The following MPRIP variants were observed in gnomAD, a reference collection of about 807,000 sequenced individuals.
The protein encoded by MPRIP is myosin phosphatase Rho interacting protein.
MPRIP carries 59 observed loss-of-function variants against 234.9 expected under a neutral mutation model. The observed-to-expected ratio is 0.25, with a 90% CI of 0.20 to 0.31. MPRIP has a LOEUF of 0.31. Among genes scored for constraint, MPRIP ranks in the 10% least tolerant of loss-of-function variants. MPRIP has a pLI of 1.00. For synonymous variants in MPRIP, 1,144 were observed against 1,263.9 expected (o/e 0.91, Z 2.01); for missense variants, 2,436 against 3,071.0 (o/e 0.79, Z 4.89).
At chr17:17,140,851 C>T (rs1356534534) in intron 7 of MPRIP, among the ~76,000 whole-genome samples, 35 of 152,172 alleles carry the variant, frequency 2.3e-4, no homozygotes, top group Admixed American at 2.2e-3. Context: ...CCCCCCTGCC[C>T]TCAGCACAGC....
intron 12 of MPRIP, among the ~76,000 whole-genome samples, chr17:17,150,873 G>A (rs1016887351): frequency 5.9e-5 from 9 of 151,858 alleles, no homozygotes; most frequent in Admixed American, 3.3e-4. Context: ...CCAAGACAGG[G>A]TCTCACTCTC....
At chr17:17,106,623 T>C (rs1336968531) in intron 3 of MPRIP, among the ~76,000 whole-genome samples, 2 of 152,186 alleles carry the variant, frequency 1.3e-5, no homozygotes, top group East Asian at 3.8e-4. Context: ...CCAGGCCTGC[T>C]GGAGAGATCC....
At chr17:17,051,945 A>G (rs529507569) in intron 1 of MPRIP, among the ~76,000 whole-genome samples, 1 of 152,378 alleles carries the variant, frequency 6.6e-6, no homozygotes, top group South Asian at 2.1e-4. Context: ...GCTGCTTTGC[A>G]GCGAGACTCT....
At chr17:17,163,447 A>G (rs1286264963) in intron 15 of MPRIP, among the ~76,000 whole-genome samples, 1 of 151,986 alleles carries the variant, frequency 6.6e-6, no homozygotes, top group Non-Finnish European at 1.5e-5. Context: ...GAACTCCACA[A>G]AGGTTTGTTT....
intron 1 of MPRIP, among the ~76,000 whole-genome samples, chr17:17,050,171 C>T (rs548805465): frequency 6.6e-5 from 10 of 152,138 alleles, no homozygotes; most frequent in East Asian, 3.9e-4. Context: ...AAAAATTAAT[C>T]GGGCGTGGTG....
At chr17:17,163,779 G>A (rs57376511) in intron 15 of MPRIP, among the ~76,000 whole-genome samples, 18,960 of 151,972 alleles carry the variant, frequency 0.12, 1,989 homozygotes, top group African/African-American at 0.29. Context: ...TCTTCCTGGC[G>A]CTCTCTTGTC....
intron 3 of MPRIP, among the ~76,000 whole-genome samples, chr17:17,115,022 T>C (rs969855191): frequency 2.6e-5 from 4 of 152,260 alleles, no homozygotes; most frequent in African/African-American, 9.6e-5. Flanking sequence ...CAAAGTCACT[T>C]GTAGCAGAAG....
chr17:17,168,081 G>T, intron 16 of MPRIP, 166 bp downstream of exon 16: 2 of 511,550 alleles, frequency 3.9e-6, no homozygotes, highest in South Asian at 3.9e-5. Flanking sequence ...CGCAGGCTTA[G>T]CCTCTTGTTC....
At chr17:17,107,722 G>C (rs547802169) in intron 3 of MPRIP, among the ~76,000 whole-genome samples, 1 of 152,350 alleles carries the variant, frequency 6.6e-6, no homozygotes, top group Non-Finnish European at 1.5e-5. Context: ...GGGAAACCCA[G>C]AGATTCCTGT....
chr17:17,123,245 G>A (rs2144366127), intron 3 of MPRIP, among the ~76,000 whole-genome samples: 1 of 152,298 alleles, frequency 6.6e-6, no homozygotes, highest in East Asian at 1.9e-4. Context: ...GCTTTTCAGG[G>A]GGAGATGGAA....
chr17:17,046,504 G>A (rs536432520), intron 1 of MPRIP, among the ~76,000 whole-genome samples: 10 of 152,142 alleles, frequency 6.6e-5, no homozygotes, highest in Non-Finnish European at 1.2e-4. Context: ...AAAAGGCTGT[G>A]TGATAACATT....
chr17:17,093,187 A>G (rs11078371), intron 3 of MPRIP, among the ~76,000 whole-genome samples: 18,804 of 152,202 alleles, frequency 0.12, 1,624 homozygotes, highest in East Asian at 0.29. Context: ...TGGTTGAAAC[A>G]TCCTATTTCC....
chr17:17,149,835 T>A (rs1024621510), intron 11 of MPRIP: 3 of 167,626 alleles, frequency 1.8e-5, no homozygotes, highest in Non-Finnish European at 3.8e-5. Context: ...CATCAATAGA[T>A]GAAATCCACC....
At position 17,176,461 on chromosome 17, in the gene MPRIP, C is replaced by G; in HGVS notation, c.6906C>G (p.Tyr2302Ter). ...LLRVKESEIQ[Y>*]LKQEISSLKD... ...GGGTAAAGGAATCGGAAATACAGTACCTGAAACAGGAGATTAGCTCCCTCA... is the reference window on the plus strand; with the variant it reads ...GGGTAAAGGAATCGGAAATACAGTAGCTGAAACAGGAGATTAGCTCCCTCA... Residue 2302 changes from tyrosine to a stop codon, truncating the protein, a stop_gained, in exon 21 of 24, where the codon TAC (tyrosine) becomes TAG (stop). Transcript: ENST00000651222. LOFTEE classifies it high-confidence loss of function. 6.2e-7 allele frequency: 1 copy of G among 1,614,100 alleles called. No homozygotes were observed. Among genetic ancestry groups the G allele is most frequent in the Non-Finnish European group, 8.5e-7 (1 of 1,179,992 alleles).
At chr17:17,094,570 C>T (rs2089796274) in intron 3 of MPRIP, among the ~76,000 whole-genome samples, 3 of 149,856 alleles carry the variant, frequency 2.0e-5, no homozygotes, top group Admixed American at 1.3e-4. Context: ...ATATTTTCTT[C>T]CTCTGGTAAT....
chr17:17,080,602 G>C (rs554464967), intron 3 of MPRIP, among the ~76,000 whole-genome samples: 46 of 152,212 alleles, frequency 3.0e-4, no homozygotes, highest in Non-Finnish European at 5.0e-4. Context: ...CAGGAATGCT[G>C]CTGGCATCTA....
intron 1 of MPRIP, among the ~76,000 whole-genome samples, chr17:17,067,148 AT>A (rs1203129517): frequency 6.6e-6 from 1 of 152,126 alleles, no homozygotes; most frequent in African/African-American, 2.4e-5. Context: ...ATTAGCATGA[AT>A]TTCTTTTTCT....
At chr17:17,093,875 G>A (rs927316530) in intron 3 of MPRIP, among the ~76,000 whole-genome samples, 8 of 152,198 alleles carry the variant, frequency 5.3e-5, no homozygotes, top group African/African-American at 1.4e-4. Flanking sequence ...ACCACAGATA[G>A]GATTTAGCTC....
rs766510326 is a variant in MPRIP, at chr17:17,191,083, C to T, written c.*6189C>T. ...TAATGACTGCTGCATCTTTGTAAAA[C>T]GTTTGGTCATCTAACAGATGGTTTT... On this transcript the variant is annotated 3_prime_UTR_variant, in exon 24 of 24. Transcript: ENST00000651222. 3 of 152,168 alleles carry T rather than the reference C, an allele frequency of 2.0e-5. No individual in the cohort carries two copies. Among genetic ancestry groups the T allele is most frequent in the African/African-American group, 2.4e-5 (1 of 41,434 alleles). 9.4% of individuals were successfully genotyped at this position (152,168 alleles called of 1,614,324 possible). A position where few individuals can be genotyped will look rare whatever the true frequency, so the allele number is the denominator to read the frequency against.
Sources: gnomAD v4.1 joint callset for allele counts (sites outside exome capture counted in the v4.1 genomes callset) on GRCh38, gnomAD v4.1.1 for gene constraint, MANE v1.5 for transcripts, NCBI Gene and HGNC (gene_info 2026-07-23, HGNC 2026-07-21) for gene names.